The following DPYD variants were observed in gnomAD, a reference collection of about 807,000 sequenced individuals.
DPYD encodes dihydropyrimidine dehydrogenase [NADP(+)].
DPYD carries 109 observed loss-of-function variants against 116.2 expected under a neutral mutation model. The observed-to-expected ratio is 0.94, with a 90% CI of 0.80 to 1.10. The LOEUF (loss-of-function observed/expected upper bound fraction) is 1.10. Ranked by LOEUF, DPYD falls within the 50% of genes least tolerant of loss-of-function variation. The pLI is 0.00. For missense variants in DPYD, 1,302 were observed against 1,254.5 expected, an observed-to-expected ratio of 1.04 and a Z score of -0.57; for synonymous variants, 440 against 432.0, an observed-to-expected ratio of 1.02 and a Z score of -0.23.
chr1:97,675,852 G>C (rs372827134), intron 8 of DPYD, among the ~76,000 whole-genome samples: 1 of 151,286 alleles, frequency 6.6e-6, no homozygotes, highest in Non-Finnish European at 1.5e-5. Flanking sequence ...CGGTTGAAGC[G>C]ATTCTCCTGC....
chr1:97,390,779 G>A (rs1019997369), intron 14 of DPYD, among the ~76,000 whole-genome samples: 1 of 151,764 alleles, frequency 6.6e-6, no homozygotes, highest in Non-Finnish European at 1.5e-5. Flanking sequence ...AACACAACAG[G>A]AAACAACCAC....
At chr1:97,650,431 T>C (rs985894194) in intron 8 of DPYD, among the ~76,000 whole-genome samples, 2 of 152,194 alleles carry the variant, frequency 1.3e-5, no homozygotes, top group Non-Finnish European at 2.9e-5. Context: ...AAGGCAACAA[T>C]GGTCAAAAGA....
At chr1:97,566,069 T>A (rs778831050) in intron 11 of DPYD, among the ~76,000 whole-genome samples, 6 of 152,102 alleles carry the variant, frequency 3.9e-5, no homozygotes, top group Non-Finnish European at 8.8e-5. Context: ...TCCACCCCCG[T>A]TCCACCTGGA....
chr1:97,320,012 G>T, intron 16 of DPYD, among the ~76,000 whole-genome samples: 1 of 139,508 alleles, frequency 7.2e-6, no homozygotes, highest in African/African-American at 2.6e-5. Flanking sequence ...TGCAGAAAAG[G>T]CCTTTGACAA....
intron 3 of DPYD, among the ~76,000 whole-genome samples, chr1:97,817,243 A>G (rs1668670647): frequency 6.6e-6 from 1 of 152,130 alleles, no homozygotes; most frequent in Non-Finnish European, 1.5e-5. Flanking sequence ...TTTTACAATA[A>G]AATGTTTCCT....
At chr1:97,710,677 G>A (rs911750771) in intron 5 of DPYD, among the ~76,000 whole-genome samples, 15 of 151,274 alleles carry the variant, frequency 9.9e-5, no homozygotes, top group South Asian at 2.1e-4. Context: ...TTTCAATTTG[G>A]TAGGTATTGT....
intron 12 of DPYD, among the ~76,000 whole-genome samples, chr1:97,540,800 A>G (rs559885110): frequency 6.6e-6 from 1 of 152,244 alleles, no homozygotes; most frequent in African/African-American, 2.4e-5. Context: ...CCTATCCTGT[A>G]GTTACCTATG....
At chr1:97,818,151 A>G (rs567947126) in intron 3 of DPYD, among the ~76,000 whole-genome samples, 34 of 152,120 alleles carry the variant, frequency 2.2e-4, no homozygotes, top group African/African-American at 7.9e-4. Flanking sequence ...TACATTCTGT[A>G]TATCAATGGT....
At chr1:97,821,662 C>T (rs1668944665) in intron 3 of DPYD, among the ~76,000 whole-genome samples, 1 of 152,066 alleles carries the variant, frequency 6.6e-6, no homozygotes, top group African/African-American at 2.4e-5. Flanking sequence ...CATGGCACTA[C>T]AATAGACTAT....
At chr1:97,090,746 T>C (rs1239756732) in intron 21 of DPYD, among the ~76,000 whole-genome samples, 1 of 152,232 alleles carries the variant, frequency 6.6e-6, no homozygotes. Context: ...AAATTCACGT[T>C]GTATTCCTAG....
intron 20 of DPYD, among the ~76,000 whole-genome samples, chr1:97,176,439 G>T (rs1254132541): frequency 1.3e-5 from 2 of 152,178 alleles, no homozygotes; most frequent in Admixed American, 6.6e-5. Flanking sequence ...GCTCTAATCA[G>T]CTCTCATCCA....
intron 6 of DPYD, among the ~76,000 whole-genome samples, chr1:97,698,677 C>T (rs190634008): frequency 1.1e-3 from 164 of 151,782 alleles, no homozygotes; most frequent in Non-Finnish European, 1.9e-3. Flanking sequence ...AGTTACCATC[C>T]AAATTCTTTA....
intron 14 of DPYD, among the ~76,000 whole-genome samples, chr1:97,418,934 GA>G (rs1320517247): frequency 6.6e-6 from 1 of 152,100 alleles, no homozygotes; most frequent in Non-Finnish European, 1.5e-5. Context: ...CTGAAAAAAG[GA>G]AAAGAAATCC....
At chr1:97,651,181 T>C (rs778598399) in intron 8 of DPYD, among the ~76,000 whole-genome samples, 10 of 152,124 alleles carry the variant, frequency 6.6e-5, no homozygotes, top group Non-Finnish European at 1.2e-4. Context: ...TAAGGATATG[T>C]TACACCACAT....
chr1:97,849,961 T>C (rs897859664), intron 2 of DPYD, among the ~76,000 whole-genome samples: 3 of 152,180 alleles, frequency 2.0e-5, no homozygotes, highest in African/African-American at 7.2e-5. Flanking sequence ...AGAAATTTCC[T>C]GCCTGAGAAG....
At chr1:97,883,466 AC>A (rs2101643091) in intron 1 of DPYD, 92 bp from the exon 2 acceptor site, 1 of 971,304 alleles carries the variant, frequency 1.0e-6, no homozygotes, top group Non-Finnish European at 1.6e-6. Context: ...ATTTTGAGAC[AC>A]GGTCTCTCTC....
At chr1:97,406,060 C>T (rs1475715424) in intron 14 of DPYD, among the ~76,000 whole-genome samples, 1 of 152,058 alleles carries the variant, frequency 6.6e-6, no homozygotes, top group Non-Finnish European at 1.5e-5. Flanking sequence ...TCAGACTTGT[C>T]TGCACTGATC....
At chr1:97,339,662 G>T (rs1195587168) in intron 16 of DPYD, among the ~76,000 whole-genome samples, 2 of 152,094 alleles carry the variant, frequency 1.3e-5, no homozygotes, top group African/African-American at 2.4e-5. Flanking sequence ...ATTTCTACCA[G>T]AAGCAAATCT....
At chr1:97,551,332 T>C (rs1003472278) in intron 11 of DPYD, among the ~76,000 whole-genome samples, 3 of 152,172 alleles carry the variant, frequency 2.0e-5, no homozygotes, top group Middle Eastern at 3.2e-3. Flanking sequence ...AGATCATCAC[T>C]ACCATCTGTT....
Sources: allele counts gnomAD v4.1 joint callset (sites outside exome capture counted in the v4.1 genomes callset), GRCh38; gene constraint gnomAD v4.1.1; transcripts MANE v1.5; gene names NCBI Gene and HGNC (gene_info 2026-07-23, HGNC 2026-07-21).